Variants in GOLGA8B observed in about 807,000 individuals in gnomAD.
The protein encoded by GOLGA8B is golgin subfamily A member 8B.
A neutral mutation model predicts 15.6 loss-of-function variants in GOLGA8B; 1 was observed. The observed-to-expected ratio is 0.06, with a 90% confidence interval of 0.02 to 0.30. The LOEUF is 0.30. Among genes scored for constraint, GOLGA8B ranks in the 10% least tolerant of loss-of-function variants. The probability of loss-of-function intolerance (pLI) is 1.00; values close to 1 mark genes in which losing one functional copy is unlikely to be tolerated. For synonymous variants in GOLGA8B, 9 were observed against 80.3 expected, an observed-to-expected ratio of 0.11 and a Z score of 4.75; for missense variants, 17 against 201.3, an observed-to-expected ratio of 0.08 and a Z score of 5.54.
chr15:34,557,677 T>TGC (rs1888529356), intron 1 of GOLGA8B, among the ~76,000 whole-genome samples: 1 of 106,054 alleles, frequency 9.4e-6, no homozygotes, highest in African/African-American at 3.6e-5. Flanking sequence ...TGTGTGTGTG[T>TGC]GTGTGTCTGT....
chr15:34,573,560 A>AT (rs1313509729), intron 1 of GOLGA8B, among the ~76,000 whole-genome samples: 12 of 144,294 alleles, frequency 8.3e-5, no homozygotes, highest in Non-Finnish European at 1.7e-4. Flanking sequence ...AAAAAAAAAA[A>AT]AAATTCACCA....
rs903561829 is a variant in GOLGA8B at position 34,583,548 on chromosome 15, G to C, written c.-1155C>G. The C allele has an allele frequency of 6.6e-6, 1 of 152,204 alleles. No individual in the cohort carries two copies. Among genetic ancestry groups the C allele is most frequent in the Non-Finnish European group, 1.5e-5 (1 of 68,150 alleles). 9.4% of individuals were successfully genotyped at this position (152,204 alleles called of 1,614,324 possible). ...GGGCGCGGGGCTGCCCCGGTCCGCCGCCGTCCTCGCCCCGCAGCCGCCGGC... is the reference window on the plus strand; with the variant it reads ...GGGCGCGGGGCTGCCCCGGTCCGCCCCCGTCCTCGCCCCGCAGCCGCCGGC... On this transcript the variant is annotated 5_prime_UTR_variant, in exon 1 of 24. Transcript: ENST00000683415.
intron 1 of GOLGA8B, among the ~76,000 whole-genome samples, chr15:34,582,277 G>T (rs1889258925): frequency 6.6e-6 from 1 of 152,194 alleles, no homozygotes; most frequent in Non-Finnish European, 1.5e-5. Context: ...CCACCTGCAG[G>T]CTCCTGGCAA....
chr15:34,566,661 ACAGCACAAG>A (rs796542985), intron 1 of GOLGA8B, among the ~76,000 whole-genome samples: 38 of 146,106 alleles, frequency 2.6e-4, no homozygotes, highest in African/African-American at 9.0e-4. Flanking sequence ...TGCCCTGTTG[ACAGCACAAG>A]CAGCTCAGGG....
At chr15:34,576,799 G>A (rs867393466) in intron 1 of GOLGA8B, among the ~76,000 whole-genome samples, 36 of 152,220 alleles carry the variant, frequency 2.4e-4, no homozygotes, top group Admixed American at 6.5e-4. Flanking sequence ...GCTTTCACGC[G>A]TACCAGCCAG....
intron 1 of GOLGA8B, among the ~76,000 whole-genome samples, chr15:34,581,205 C>T (rs577808916): frequency 6.6e-6 from 1 of 152,352 alleles, no homozygotes; most frequent in Non-Finnish European, 1.5e-5. Context: ...GGCAGGTATG[C>T]GTGGCAGAGG....
chr15:34,563,719 G>A (rs1389792267), intron 1 of GOLGA8B, among the ~76,000 whole-genome samples: 1 of 151,702 alleles, frequency 6.6e-6, no homozygotes, highest in East Asian at 1.9e-4. Context: ...AATAGACCAT[G>A]GACTTAAAGC....
intron 1 of GOLGA8B, among the ~76,000 whole-genome samples, chr15:34,572,494 C>T (rs1262109950): frequency 6.6e-6 from 1 of 152,252 alleles, no homozygotes; most frequent in East Asian, 1.9e-4. Flanking sequence ...ATCTCTAAGA[C>T]ACACAGCTGG....
rs1416893970 is a variant in GOLGA8B, at chr15:34,567,967, T to G, written c.-1122-14011A>C. On this transcript the variant is annotated intron_variant, in intron 1 of 23. Transcript: ENST00000683415. The stretch of plus-strand genomic sequence containing the variant: ...ACCCATCCCAAACTGGAAGGAAGGA[T>G]ACGACTGAAACTCAACTCATGCCCA... 2.0e-5 allele frequency among the ~76,000 whole-genome samples: 3 copies of G among 151,318 alleles called. No individual in the cohort carries two copies. The East Asian group carries it at 5.8e-4, about 29-fold the overall frequency.
intron 1 of GOLGA8B, among the ~76,000 whole-genome samples, chr15:34,573,660 G>C (rs1005711952): frequency 2.6e-5 from 4 of 151,802 alleles, no homozygotes; most frequent in African/African-American, 7.3e-5. Flanking sequence ...GTGGGGAATT[G>C]ATGTAGATGG....
At position 34,525,810 on chromosome 15, in the gene GOLGA8B, C is replaced by G. The variant is rs1419789111; in HGVS notation, c.*1822G>C. 3 of 149,520 alleles carry G rather than the reference C, an allele frequency of 2.0e-5. No homozygotes were observed. Among genetic ancestry groups the G allele is most frequent in the African/African-American group, 7.4e-5 (3 of 40,372 alleles). The allele number at this position is 149,520 out of a possible 1,614,324, so 9.3% of individuals were successfully genotyped here. A position where few individuals can be genotyped will look rare whatever the true frequency, so the allele number is the denominator to read the frequency against. On this transcript the variant is annotated 3_prime_UTR_variant, in exon 24 of 24. Transcript: ENST00000683415. Reference sequence around the variant, plus strand: ...AAATCTGTTATTCCATTGGCAAAATCGTATTGCTGCTCTCCTGTTAATCTC... The same window carrying G: ...AAATCTGTTATTCCATTGGCAAAATGGTATTGCTGCTCTCCTGTTAATCTC...
At position 34,581,076 on chromosome 15, in the gene GOLGA8B, A is replaced by G. The variant is rs532727778; in HGVS notation, c.-1123+2440T>C. Among the ~76,000 whole-genome samples the G allele has an allele frequency of 2.3e-3, 349 of 152,298 alleles. 3 individuals are homozygous for G. The highest frequency in any genetic ancestry group is 8.0e-3 in the African/African-American group (331 of 41,562). ...CCGAAGACATTGAAGCCACCCAGTG[A>G]TGTGTGCAGGGCCTCGATCCCCACC... On this transcript the variant is annotated intron_variant, in intron 1 of 23. Transcript: ENST00000683415.
intron 1 of GOLGA8B, among the ~76,000 whole-genome samples, chr15:34,581,110 G>A (rs1394407367): frequency 6.6e-6 from 1 of 152,222 alleles, no homozygotes; most frequent in African/African-American, 2.4e-5. Flanking sequence ...CCGACCGCCA[G>A]TCCTGTCCTC....
intron 1 of GOLGA8B, among the ~76,000 whole-genome samples, chr15:34,570,561 T>G: frequency 9.1e-6 from 1 of 110,046 alleles, no homozygotes. Flanking sequence ...GATCGCAGAG[T>G]GGACTAGTAT....
intron 1 of GOLGA8B, among the ~76,000 whole-genome samples, chr15:34,563,951 C>G (rs1411266914): frequency 7.3e-6 from 1 of 137,806 alleles, no homozygotes; most frequent in Admixed American, 7.3e-5. Context: ...ATTTCATTTC[C>G]GTACCAATGG....
intron 1 of GOLGA8B, among the ~76,000 whole-genome samples, chr15:34,578,454 C>G (rs1455399587): frequency 1.3e-5 from 2 of 152,180 alleles, no homozygotes; most frequent in Non-Finnish European, 2.9e-5. Flanking sequence ...AAAAACAAAT[C>G]TGATACAAAA....
rs1294742171 is a variant in GOLGA8B, at chr15:34,527,136, A to G, written c.*496T>C. 7.6e-6 allele frequency: 2 copies of G among 263,022 alleles called. 1 individual carries two copies. The highest frequency in any genetic ancestry group is 4.7e-5 in the African/African-American group (2 of 42,878). 16.3% of individuals were successfully genotyped at this position (263,022 alleles called of 1,614,324 possible). A position where few individuals can be genotyped will look rare whatever the true frequency, so the allele number is the denominator to read the frequency against. ...ATAGTGGCATATTACAAAGTAATAA[A>G]CAGTGCACACTTGAGGGCAAACCGC... On this transcript the variant is annotated 3_prime_UTR_variant, in exon 24 of 24. Transcript: ENST00000683415.
intron 1 of GOLGA8B, among the ~76,000 whole-genome samples, chr15:34,568,937 G>C (rs1307028590): frequency 6.8e-6 from 1 of 147,572 alleles, no homozygotes; most frequent in Admixed American, 6.6e-5. Flanking sequence ...GCGCTCGTGC[G>C]CTTGTGCGCT....
intron 1 of GOLGA8B, among the ~76,000 whole-genome samples, chr15:34,572,867 C>A (rs566211747): frequency 2.4e-4 from 37 of 152,326 alleles, no homozygotes; most frequent in African/African-American, 8.9e-4. Flanking sequence ...AGCCAGGGTC[C>A]TTCTCAACTC....
Sources: allele counts gnomAD v4.1 joint callset (sites outside exome capture counted in the v4.1 genomes callset), GRCh38; gene constraint gnomAD v4.1.1; transcripts MANE v1.5; gene names NCBI Gene and HGNC (gene_info 2026-07-23, HGNC 2026-07-21).